ALG11: variants seen among roughly 807,000 people sequenced by gnomAD.
ALG11 encodes the protein GDP-Man:Man(3)GlcNAc(2)-PP-Dol alpha-1,2-mannosyltransferase.
Under a neutral mutation model 38.8 loss-of-function variants are expected in ALG11, and 26 were observed. The ratio of observed to expected loss-of-function variants is 0.67; its 90% CI spans 0.49 to 0.93. The LOEUF is 0.93. ALG11 is among the 40% of genes least tolerant of loss of function. The pLI is 0.00. For missense variants in ALG11, 535 were observed against 578.8 expected (o/e 0.92, Z 0.78); for synonymous variants, 199 against 211.6 (o/e 0.94, Z 0.52).
chr13:52,029,034 C>T lies in ALG11; in HGVS notation c.*444C>T. On this transcript the variant is annotated 3_prime_UTR_variant, in exon 4 of 4. Coordinates refer to ENST00000521508, the MANE Select transcript of ALG11 (RefSeq NM_001004127.3). ...AAAGTGTCAGAGTTCAGTGTCAGTTCTGAAGGATCAGGAGAAAAGCTGGGC... is the reference window on the plus strand; with the variant it reads ...AAAGTGTCAGAGTTCAGTGTCAGTTTTGAAGGATCAGGAGAAAAGCTGGGC... 1.2e-6 allele frequency: 2 copies of T among 1,614,238 alleles called. No homozygotes were observed. Among genetic ancestry groups the T allele is most frequent in the Non-Finnish European group, 1.7e-6 (2 of 1,180,048 alleles).
At chr13:52,014,492 C>T (rs929522458) in intron 1 of ALG11, among the ~76,000 whole-genome samples, 6 of 151,450 alleles carry the variant, frequency 4.0e-5, no homozygotes, top group South Asian at 2.1e-4. Flanking sequence ...TTTTGCCCTT[C>T]GCAAGACATT....
intron 1 of ALG11, 49 bp downstream of exon 1, chr13:52,012,511 G>C (rs751831995): frequency 6.2e-7 from 1 of 1,613,410 alleles, no homozygotes; most frequent in Non-Finnish European, 8.5e-7. Context: ...TTCTGTAGGG[G>C]TACTTGCCCG....
chr13:52,028,274 A>G lies in ALG11; in HGVS notation c.1208-45A>G, dbSNP rs373614614. 71 of 1,612,250 alleles carry G rather than the reference A, an allele frequency of 4.4e-5. 1 individual carries two copies. The highest frequency in any genetic ancestry group is 2.7e-4 in the Admixed American group (16 of 59,956). On this transcript the variant is annotated intron_variant, in intron 3 of 3. Transcript: ENST00000521508. ...TATTCATCCTCATTCTTATGAACAC[A>G]CTCAAAAACTTAAAAGATTACATGA... is the stretch of plus-strand genomic sequence containing the variant.
intron 1 of ALG11, among the ~76,000 whole-genome samples, chr13:52,014,674 A>G (rs926493791): frequency 1.3e-5 from 2 of 152,148 alleles, no homozygotes; most frequent in Admixed American, 1.3e-4. Flanking sequence ...TGTTGGGATT[A>G]CAGGCATGAG....
In ALG11 at chr13:52,024,750, C is replaced by T. The variant is rs753485735; in HGVS notation, c.1020C>T (p.Val340=). The change falls in exon 3 of 4, where the codon GTC becomes GTT. Residue 340 remains valine, a synonymous_variant. Transcript: ENST00000521508. ...MVESPPSLKL[V]LIGGCRNKDD... ...AGTCACCTCCTTCGCTTAAACTTGT[C>T]CTCATTGGAGGTTGTCGTAACAAAG... The T allele has an allele frequency of 1.2e-6, 2 of 1,614,180 alleles. No homozygotes were observed. Among genetic ancestry groups the T allele is most frequent in the South Asian group, 2.2e-5 (2 of 91,080 alleles).
At chr13:52,021,465 G>GAAT in intron 2 of ALG11, 1 of 152,284 alleles carries the variant, frequency 6.6e-6, no homozygotes. Context: ...GCTGGTTGGA[G>GAAT]CTTGGCGTGT....
At chr13:52,013,359 C>T (rs1270735497) in intron 1 of ALG11, among the ~76,000 whole-genome samples, 1 of 152,210 alleles carries the variant, frequency 6.6e-6, no homozygotes, top group Non-Finnish European at 1.5e-5. Context: ...TTTGTCCACT[C>T]TACTTCAAAT....
Position 52,019,135 on chromosome 13 carries a change from G to T in ALG11, c.267G>T (p.Leu89=), listed in dbSNP as rs1159418448. The T allele has an allele frequency of 3.1e-6, 5 of 1,612,126 alleles. No individual in the cohort carries two copies. The African/African-American group carries it at 6.7e-5, about 22-fold the overall frequency. Residue 89 remains leucine, a synonymous_variant, in exon 2 of 4, where the codon CTG becomes CTT. Transcript: ENST00000521508. ...TTTTATGGTGTGCTTTAAGAGCCCT[G>T]CAGAAAAAGTAGGTATCCATCTTTC... ...ERVLWCALRA[L]QKKYPEAVYV...
At chr13:52,013,688 C>G (rs1295138390) in intron 1 of ALG11, among the ~76,000 whole-genome samples, 1 of 152,202 alleles carries the variant, frequency 6.6e-6, no homozygotes, top group African/African-American at 2.4e-5. Context: ...AGAAAGCAAA[C>G]TGTCCTCTGT....
Position 52,030,109 on chromosome 13 carries a change from C to T in ALG11, c.*1519C>T, listed in dbSNP as rs542071901. The T allele has an allele frequency of 6.2e-7, 1 of 1,614,184 alleles. No homozygotes were observed. The highest frequency in any genetic ancestry group is 8.5e-7 in the Non-Finnish European group (1 of 1,180,044). ...CCCTTAGAAAAAGATCTGAGCTCAA[C>T]CAGGATGCTGAGCCAGCAAGCAGTC... On this transcript the variant is annotated 3_prime_UTR_variant, in exon 4 of 4. Transcript: ENST00000521508.
intron 1 of ALG11, among the ~76,000 whole-genome samples, chr13:52,018,563 A>T (rs138846646): frequency 6.6e-6 from 1 of 152,326 alleles, no homozygotes; most frequent in East Asian, 1.9e-4. Context: ...AGTATATAAC[A>T]CATTCTTAAT....
Position 52,024,147 on chromosome 13 carries a change from G to T in ALG11, c.417G>T (p.Val139=). The T allele has an allele frequency of 6.2e-7, 1 of 1,614,106 alleles. No individual in the cohort carries two copies. The highest frequency in any genetic ancestry group is 8.5e-7 in the Non-Finnish European group (1 of 1,180,018). ...TTTTTTTAAGGAAACGCTATCTTGT[G>T]GAAGATTCACTGTATCCTCACTTCA... ...QFVFLRKRYL[V]EDSLYPHFTL... is the part of the protein sequence containing the mutation. The change falls in exon 3 of 4, where the codon GTG becomes GTT. Residue 139 remains valine, a synonymous_variant. Coordinates refer to ENST00000521508, the MANE Select transcript of ALG11 (RefSeq NM_001004127.3).
At position 52,028,770 on chromosome 13, in the gene ALG11, A is replaced by G; in HGVS notation, c.*180A>G. ...AATGGATGACTAGCCTTCGGCTTCC[A>G]TTCTTGGTATACATGAGAGAGGCTG... is the stretch of plus-strand genomic sequence containing the variant. On this transcript the variant is annotated 3_prime_UTR_variant, in exon 4 of 4. Coordinates refer to ENST00000521508, the MANE Select transcript of ALG11 (RefSeq NM_001004127.3). 1 of 1,614,156 alleles carries G rather than the reference A, an allele frequency of 6.2e-7. No homozygotes were observed. The highest frequency in any genetic ancestry group is 8.5e-7 in the Non-Finnish European group (1 of 1,179,998).
rs1420974704 is a variant in ALG11, at chr13:52,028,409, AT to A, written c.1299del (p.Asp433GlufsTer2). ...GACATTGTGGTTCCTCACGAAGGAG[AT>A]ATAACTGGCTTTCTGGCTGAGAGTG... ...KLDIVVPHEG[D>X]ITGFLAESEE... is the part of the protein sequence containing the mutation. On this transcript the variant is annotated frameshift_variant, in exon 4 of 4. Transcript: ENST00000521508. LOFTEE classifies it high-confidence loss of function. The A allele has an allele frequency of 6.2e-7, 1 of 1,614,170 alleles. No homozygotes were observed. Among genetic ancestry groups the A allele is most frequent in the African/African-American group, 1.3e-5 (1 of 75,042 alleles).
intron 2 of ALG11, among the ~76,000 whole-genome samples, chr13:52,019,598 G>A (rs1043530259): frequency 9.9e-5 from 15 of 152,020 alleles, no homozygotes; most frequent in African/African-American, 3.6e-4. Flanking sequence ...TTTCTTTCAT[G>A]TGCCCACATA....
chr13:52,026,342 A>T (rs1954240515), intron 3 of ALG11, among the ~76,000 whole-genome samples: 1 of 152,218 alleles, frequency 6.6e-6, no homozygotes, highest in Non-Finnish European at 1.5e-5. Flanking sequence ...CAGAGAGGTG[A>T]TATAGGCCAG....
intron 1 of ALG11, among the ~76,000 whole-genome samples, chr13:52,015,002 A>T (rs1389266435): frequency 6.6e-6 from 1 of 152,224 alleles, no homozygotes; most frequent in Non-Finnish European, 1.5e-5. Flanking sequence ...TCAAGTACAC[A>T]GTAGGAAATC....
chr13:52,024,970 C>T, intron 3 of ALG11, 33 bp downstream of exon 3: 1 of 1,570,574 alleles, frequency 6.4e-7, no homozygotes, highest in South Asian at 1.1e-5. Flanking sequence ...TTGTTTGGTG[C>T]CATGAGATAC....
chr13:52,028,249 T>C (rs1954260619), intron 3 of ALG11, 70 bp from the exon 4 acceptor site: 1 of 1,588,230 alleles, frequency 6.3e-7, no homozygotes, highest in South Asian at 1.1e-5. Flanking sequence ...TGAAGATTTC[T>C]ATTCATCCTC....
Sources: gnomAD v4.1 joint callset for allele counts (sites outside exome capture counted in the v4.1 genomes callset) on GRCh38, gnomAD v4.1.1 for gene constraint, MANE v1.5 for transcripts, NCBI Gene and HGNC (gene_info 2026-07-23, HGNC 2026-07-21) for gene names.